The following CENPP variants were observed in gnomAD, a reference collection of about 807,000 sequenced individuals.
CENPP encodes the protein centromere protein P.
In CENPP, 24 loss-of-function variants were observed where a neutral mutation model predicts 35.6. The observed-to-expected ratio is 0.67, with a 90% CI of 0.49 to 0.95. The LOEUF is 0.95. CENPP is among the 40% of genes least tolerant of loss of function. The probability of loss-of-function intolerance (pLI) is 0.00; values close to 1 mark genes in which losing one functional copy is unlikely to be tolerated. For synonymous variants in CENPP, 120 were observed against 125.5 expected (o/e 0.96, Z 0.29); for missense variants, 332 against 345.3 (o/e 0.96, Z 0.31).
At chr9:92,394,628 G>A (rs1057452589) in intron 5 of CENPP, among the ~76,000 whole-genome samples, 8 of 150,734 alleles carry the variant, frequency 5.3e-5, no homozygotes, top group Non-Finnish European at 8.9e-5. Context: ...TTTTTGAGAT[G>A]AAGTCTCGCT....
chr9:92,489,541 T>C (rs1349958138), intron 5 of CENPP, among the ~76,000 whole-genome samples: 1 of 152,224 alleles, frequency 6.6e-6, no homozygotes, highest in Non-Finnish European at 1.5e-5. Flanking sequence ...ATTTTCCCCC[T>C]TTTTAGGTAT....
At chr9:92,417,477 C>G (rs778590053) in intron 5 of CENPP, 1 of 1,613,796 alleles carries the variant, frequency 6.2e-7, no homozygotes, top group South Asian at 1.1e-5. Context: ...TAGTCTTCAT[C>G]CCACTGATAA....
At chr9:92,458,716 A>G (rs990697680) in intron 5 of CENPP, among the ~76,000 whole-genome samples, 5 of 152,206 alleles carry the variant, frequency 3.3e-5, no homozygotes, top group Non-Finnish European at 7.3e-5. Context: ...TTAAGCAGAA[A>G]TGACATCAGG....
chr9:92,378,806 T>C (rs1842180228), intron 4 of CENPP, among the ~76,000 whole-genome samples: 5 of 152,194 alleles, frequency 3.3e-5, no homozygotes, highest in Admixed American at 3.3e-4. Context: ...GTGAGATTAT[T>C]TCTAGCTGTT....
In CENPP at chr9:92,418,249, G is replaced by C. The variant is rs190785396; in HGVS notation, c.564+38390G>C. ...CTACAGGCGCGTGCCACCACGCTTG[G>C]CTAATTTTTGTATTGTTAGTAGAGA... On this transcript the variant is annotated intron_variant, in intron 5 of 7. Transcript: ENST00000375587. Among the ~76,000 whole-genome samples the C allele has an allele frequency of 8.6e-4, 131 of 151,966 alleles. 2 individuals are homozygous for C. The East Asian group carries it at 0.025, about 28-fold the overall frequency.
Position 92,430,227 on chromosome 9 carries a change from G to A in CENPP, c.564+50368G>A, listed in dbSNP as rs559381466. Among the ~76,000 whole-genome samples, 5 of 152,102 alleles carry A rather than the reference G, an allele frequency of 3.3e-5. No individual in the cohort carries two copies. The East Asian group carries it at 5.8e-4, about 18-fold the overall frequency. ...TATATTTTACAGCCCTGTATGCTGC[G>A]TTTTCTGGAACTGCTTATATCTTTT... On this transcript the variant is annotated intron_variant, in intron 5 of 7. Coordinates refer to ENST00000375587, the MANE Select transcript of CENPP (RefSeq NM_001012267.3).
intron 5 of CENPP, among the ~76,000 whole-genome samples, chr9:92,607,679 T>A (rs1465550474): frequency 6.6e-6 from 1 of 152,186 alleles, no homozygotes; most frequent in African/African-American, 2.4e-5. Context: ...AAGGGTAGAT[T>A]TAAACTCAGG....
intron 5 of CENPP, among the ~76,000 whole-genome samples, chr9:92,486,846 A>C (rs573183698): frequency 2.6e-5 from 4 of 151,128 alleles, no homozygotes; most frequent in Admixed American, 6.6e-5. Context: ...CAGTGGCACA[A>C]TCTCAGCTCA....
At chr9:92,399,070 T>A (rs1225760999) in intron 5 of CENPP, among the ~76,000 whole-genome samples, 1 of 150,680 alleles carries the variant, frequency 6.6e-6, no homozygotes, top group African/African-American at 2.4e-5. Flanking sequence ...AAAAAAAAAA[T>A]CCTCAAAGTT....
rs562301882 is a variant in CENPP, at chr9:92,487,964, G to C, written c.564+108105G>C. 3.9e-5 allele frequency among the ~76,000 whole-genome samples: 6 copies of C among 152,332 alleles called. No homozygotes were observed. The South Asian group carries it at 1.2e-3, about 32-fold the overall frequency. On this transcript the variant is annotated intron_variant, in intron 5 of 7. Transcript: ENST00000375587. ...AGCATTCAGTAAATTACTTGAGCTA[G>C]TCAGCACTTTATTATAAAATCAGCT...
chr9:92,427,832 A>G (rs1844007087), intron 5 of CENPP, among the ~76,000 whole-genome samples: 1 of 152,206 alleles, frequency 6.6e-6, no homozygotes, highest in Non-Finnish European at 1.5e-5. Flanking sequence ...AGTAGTTTAG[A>G]TATTTAGAAC....
chr9:92,518,407 G>A (rs1205744028), intron 5 of CENPP, among the ~76,000 whole-genome samples: 1 of 152,142 alleles, frequency 6.6e-6, no homozygotes, highest in Non-Finnish European at 1.5e-5. Flanking sequence ...AGCCAATCCA[G>A]TTCCCTCATG....
At chr9:92,611,612 C>T (rs1160826153) in intron 6 of CENPP, among the ~76,000 whole-genome samples, 1 of 152,110 alleles carries the variant, frequency 6.6e-6, no homozygotes, top group African/African-American at 2.4e-5. Flanking sequence ...AAACGCCAGT[C>T]CTGGGGCCCA....
chr9:92,437,718 A>C (rs1844283422), intron 5 of CENPP, among the ~76,000 whole-genome samples: 1 of 151,312 alleles, frequency 6.6e-6, no homozygotes, highest in Non-Finnish European at 1.5e-5. Context: ...TCATCTTCTT[A>C]ATAGCCTTTT....
intron 5 of CENPP, among the ~76,000 whole-genome samples, chr9:92,478,370 C>T (rs1845788135): frequency 6.6e-6 from 1 of 152,156 alleles, no homozygotes; most frequent in Non-Finnish European, 1.5e-5. Flanking sequence ...CCTATTTGTT[C>T]TGGTCAATGG....
intron 5 of CENPP, among the ~76,000 whole-genome samples, chr9:92,594,167 A>G (rs1483933068): frequency 6.6e-6 from 1 of 152,212 alleles, no homozygotes; most frequent in Non-Finnish European, 1.5e-5. Flanking sequence ...TGTTTTAAAA[A>G]GTAGTTTAAG....
chr9:92,386,058 T>G, intron 5 of CENPP: 1 of 676,206 alleles, frequency 1.5e-6, no homozygotes, highest in Non-Finnish European at 2.5e-6. Context: ...GTATTAATCT[T>G]TTTGATAGGC....
At chr9:92,401,695 C>T (rs962044278) in intron 5 of CENPP, among the ~76,000 whole-genome samples, 1 of 152,144 alleles carries the variant, frequency 6.6e-6, no homozygotes, top group Non-Finnish European at 1.5e-5. Context: ...CTCCATTAAG[C>T]CCTGGCTCTT....
chr9:92,333,264 C>G (rs918210949), intron 2 of CENPP, among the ~76,000 whole-genome samples: 1 of 152,186 alleles, frequency 6.6e-6, no homozygotes, highest in Admixed American at 6.5e-5. Flanking sequence ...GAAAATTACC[C>G]TCATGACAGG....
Sources: allele counts gnomAD v4.1 joint callset (sites outside exome capture counted in the v4.1 genomes callset), GRCh38; gene constraint gnomAD v4.1.1; transcripts MANE v1.5; gene names NCBI Gene and HGNC (gene_info 2026-07-23, HGNC 2026-07-21).